The following HDAC9 variants were observed in gnomAD, a reference collection of about 807,000 sequenced individuals.
The protein encoded by HDAC9 is histone deacetylase 9.
A neutral mutation model predicts 139.4 loss-of-function variants in HDAC9; 41 were observed. The ratio of observed to expected loss-of-function variants is 0.29; its 90% CI spans 0.23 to 0.38. The LOEUF (loss-of-function observed/expected upper bound fraction) is 0.38. Ranked by LOEUF, HDAC9 falls within the 10% of genes least tolerant of loss-of-function variation. The probability of loss-of-function intolerance (pLI) is 1.00; values close to 1 mark genes in which losing one functional copy is unlikely to be tolerated. For synonymous variants in HDAC9, 517 were observed against 476.2 expected (o/e 1.09, Z -1.12); for missense variants, 1,147 against 1,297.0 (o/e 0.88, Z 1.78).
At chr7:18,623,384 G>A (rs1840752482) in intron 6 of HDAC9, among the ~76,000 whole-genome samples, 1 of 152,082 alleles carries the variant, frequency 6.6e-6, no homozygotes, top group South Asian at 2.1e-4. Context: ...CATTACACTA[G>A]GCAAAGGAGT....
intron 2 of HDAC9, among the ~76,000 whole-genome samples, chr7:18,251,961 G>A (rs1794941744): frequency 6.6e-6 from 1 of 152,076 alleles, no homozygotes; most frequent in Non-Finnish European, 1.5e-5. Context: ...TTCCATGAAT[G>A]ATGGCTTGCA....
intron 17 of HDAC9, among the ~76,000 whole-genome samples, chr7:18,825,230 C>T (rs1795330097): frequency 6.6e-6 from 1 of 152,134 alleles, no homozygotes; most frequent in African/African-American, 2.4e-5. Context: ...ATTCATAAGA[C>T]TGGTGGCCTT....
chr7:18,990,876 T>G (rs1585506583), intron 25 of HDAC9, among the ~76,000 whole-genome samples: 1 of 152,250 alleles, frequency 6.6e-6, no homozygotes, highest in African/African-American at 2.4e-5. Context: ...GCTTCCCAAG[T>G]GAGGCAATGT....
chr7:18,843,712 C>A (rs963498796), intron 21 of HDAC9, among the ~76,000 whole-genome samples: 6 of 151,536 alleles, frequency 4.0e-5, no homozygotes, highest in African/African-American at 1.5e-4. Context: ...GATTTTACAT[C>A]TAAAGTTTAC....
chr7:18,370,361 A>G (rs934387590), intron 1 of HDAC9, among the ~76,000 whole-genome samples: 20 of 152,162 alleles, frequency 1.3e-4, no homozygotes, highest in African/African-American at 4.6e-4. Flanking sequence ...ATGGTATACG[A>G]CATTGCTGAA....
intron 2 of HDAC9, among the ~76,000 whole-genome samples, chr7:18,555,980 C>T (rs749634019): frequency 1.2e-4 from 18 of 151,904 alleles, no homozygotes; most frequent in Non-Finnish European, 2.2e-4. Context: ...TTTTTTTCTA[C>T]ATGGTAAAAT....
intron 2 of HDAC9, among the ~76,000 whole-genome samples, chr7:18,237,084 CT>C: frequency 6.6e-6 from 1 of 152,286 alleles, no homozygotes; most frequent in Non-Finnish European, 1.5e-5. Flanking sequence ...GTTTTCTTTG[CT>C]TTTTCCACTG....
chr7:18,409,353 T>A (rs1788327095), intron 1 of HDAC9, among the ~76,000 whole-genome samples: 1 of 152,214 alleles, frequency 6.6e-6, no homozygotes, highest in African/African-American at 2.4e-5. Flanking sequence ...ATGGAGACTT[T>A]AATACTCTTT....
chr7:18,996,824 A>C lies in HDAC9; in HGVS notation c.*762A>C, dbSNP rs954045445. The C allele has an allele frequency of 1.3e-5, 2 of 152,210 alleles. No homozygotes were observed. The highest frequency in any genetic ancestry group is 2.9e-5 in the Non-Finnish European group (2 of 68,040). 9.4% of individuals were successfully genotyped at this position (152,210 alleles called of 1,614,324 possible). A position where few individuals can be genotyped will look rare whatever the true frequency, so the allele number is the denominator to read the frequency against. Reference sequence around the variant, plus strand: ...TGCAATGTTGCAATTGTGTTGGAGAATGAAGTCCCCCCACCTCCCAGCCAC... The same window carrying C: ...TGCAATGTTGCAATTGTGTTGGAGACTGAAGTCCCCCCACCTCCCAGCCAC... On this transcript the variant is annotated 3_prime_UTR_variant, in exon 26 of 26. Transcript: ENST00000686413.
intron 22 of HDAC9, among the ~76,000 whole-genome samples, chr7:18,882,167 C>T (rs1021921046): frequency 1.2e-4 from 18 of 152,028 alleles, no homozygotes; most frequent in Non-Finnish European, 2.2e-4. Flanking sequence ...CCACTATATT[C>T]GATGTTTCTT....
chr7:18,292,558 G>A (rs1036595710), intron 1 of HDAC9, among the ~76,000 whole-genome samples: 5 of 152,104 alleles, frequency 3.3e-5, no homozygotes, highest in Non-Finnish European at 7.4e-5. Flanking sequence ...GGCGGGTGGG[G>A]ATGGTGTGGA....
chr7:18,113,965 C>T (rs1783802440), intron 1 of HDAC9, among the ~76,000 whole-genome samples: 1 of 152,142 alleles, frequency 6.6e-6, no homozygotes, highest in Non-Finnish European at 1.5e-5. Context: ...GCCATTGTAG[C>T]TATCACTTTG....
rs545674115 is a variant in HDAC9 at position 18,104,546 on chromosome 7, C to T, written c.-97+17333C>T. Among the ~76,000 whole-genome samples the T allele has an allele frequency of 1.8e-4, 28 of 152,206 alleles. No homozygotes were observed. The South Asian group carries it at 5.2e-3, about 28-fold the overall frequency. ...AAGTTGTTCAGCTTTCTACTTTGCC[C>T]GCAGACACCAAATATTTTTTCAATT... On this transcript the variant is annotated intron_variant, in intron 1 of 12. Coordinates refer to the HDAC9 transcript ENST00000417496.
intron 1 of HDAC9, among the ~76,000 whole-genome samples, chr7:18,151,011 C>G (rs534268458): frequency 6.8e-4 from 104 of 152,066 alleles, no homozygotes; most frequent in African/African-American, 2.4e-3. Flanking sequence ...TTGGATTGAG[C>G]TATTTATATG....
chr7:18,745,571 G>A (rs1480920073), intron 13 of HDAC9, among the ~76,000 whole-genome samples: 1 of 120,226 alleles, frequency 8.3e-6, no homozygotes, highest in Admixed American at 1.1e-4. Flanking sequence ...ACGGAGTCTC[G>A]GTCTGTCGCC....
chr7:18,330,426 A>G (rs925455951), intron 1 of HDAC9, among the ~76,000 whole-genome samples: 4 of 151,660 alleles, frequency 2.6e-5, no homozygotes, highest in African/African-American at 9.7e-5. Flanking sequence ...GTCTGTAAAT[A>G]GAACAGATAT....
chr7:18,808,072 G>C (rs892364621), intron 17 of HDAC9: 2 of 152,172 alleles, frequency 1.3e-5, no homozygotes, highest in African/African-American at 4.8e-5. Flanking sequence ...TTCTATCAGG[G>C]AAGTGCAGCT....
At chr7:18,183,821 C>T (rs1313085892) in intron 2 of HDAC9, among the ~76,000 whole-genome samples, 1 of 152,104 alleles carries the variant, frequency 6.6e-6, no homozygotes. Flanking sequence ...ATTAAAGTAA[C>T]AATACATAAA....
intron 21 of HDAC9, among the ~76,000 whole-genome samples, chr7:18,862,629 C>T (rs558226242): frequency 1.4e-4 from 21 of 152,232 alleles, no homozygotes; most frequent in African/African-American, 4.8e-4. Context: ...CTGGTTCATA[C>T]AGTGTTCCAA....
Sources: allele counts gnomAD v4.1 joint callset (sites outside exome capture counted in the v4.1 genomes callset), GRCh38; gene constraint gnomAD v4.1.1; transcripts MANE v1.5; gene names NCBI Gene and HGNC (gene_info 2026-07-23, HGNC 2026-07-21).